The following ASNS variants were observed in gnomAD, a reference collection of about 807,000 sequenced individuals.
The protein encoded by ASNS is asparagine synthetase [glutamine-hydrolyzing].
A neutral mutation model predicts 62.6 loss-of-function variants in ASNS; 37 were observed. The observed-to-expected ratio is 0.59, with a 90% confidence interval of 0.45 to 0.78. ASNS has a LOEUF of 0.78. Ranked by LOEUF, ASNS falls within the 30% of genes least tolerant of loss-of-function variation. The pLI is 0.00. For missense variants in ASNS, 520 were observed against 682.4 expected (o/e 0.76, Z 2.65); for synonymous variants, 207 against 237.9 (o/e 0.87, Z 1.19).
chr7:97,899,112 A>G, the ASNS span: 4 of 463,028 alleles, frequency 8.6e-6, no homozygotes, highest in South Asian at 9.9e-5. Flanking sequence ...TGTTCTTAAC[A>G]ACTGCCATGG....
the ASNS span, among the ~76,000 whole-genome samples, chr7:97,920,203 C>T: frequency 6.6e-6 from 1 of 152,080 alleles, no homozygotes; most frequent in African/African-American, 2.4e-5. Context: ...AGGTTTTCAC[C>T]ATGTTGGCCA....
intron 1 of ASNS, 28 bp downstream of exon 1, chr7:97,872,323 A>AGGGCACG (rs1041320412): frequency 9.1e-5 from 14 of 153,490 alleles, no homozygotes; most frequent in African/African-American, 2.9e-4. Context: ...CGCGGGGCGC[A>AGGGCACG]GGGCACGGGG....
At chr7:97,880,779 A>G in the ASNS span, among the ~76,000 whole-genome samples, 2 of 152,230 alleles carry the variant, frequency 1.3e-5, no homozygotes, top group Non-Finnish European at 2.9e-5. Context: ...TCATTCCAGA[A>G]GGAGATTCTC....
rs538931605 is a variant in ASNS at position 97,851,798 on chromosome 7, C to T, written c.*461G>A. 3.2e-5 allele frequency: 5 copies of T among 154,942 alleles called. No individual in the cohort carries two copies. The highest frequency in any genetic ancestry group is 1.2e-4 in the African/African-American group (5 of 41,606). 9.6% of individuals were successfully genotyped at this position (154,942 alleles called of 1,614,324 possible). A position where few individuals can be genotyped will look rare whatever the true frequency, so the allele number is the denominator to read the frequency against. On this transcript the variant is annotated 3_prime_UTR_variant, in exon 13 of 13. Coordinates refer to ENST00000394308, the MANE Select transcript of ASNS (RefSeq NM_001673.5). ...ACATAAAAGAGAAAAAAATGAACTA[C>T]TATCTTGCAAAATAGAGCTGTGATG... is the stretch of plus-strand genomic sequence containing the variant.
At chr7:97,858,206 T>C (rs1584463130) in intron 7 of ASNS, 72 bp downstream of exon 7, 8 of 1,565,226 alleles carry the variant, frequency 5.1e-6, no homozygotes, top group Admixed American at 1.8e-5. Context: ...TCACCCATTA[T>C]TGACTCCATT....
chr7:97,864,316 G>A lies in ASNS; in HGVS notation c.430C>T (p.Pro144Ser). Residue 144 changes from proline to serine, a missense_variant, in exon 4 of 13, where the codon CCT (proline) becomes TCT (serine). Transcript: ENST00000394308. Reference sequence around the variant, plus strand: ...TCTTCTGTCATTGCTTTAAACAAAGGTCTGACTCCATATGTATCTCTACCC... The same window carrying A: ...TCTTCTGTCATTGCTTTAAACAAAGATCTGACTCCATATGTATCTCTACCC... ...FLGRDTYGVR[P>S]LFKAMTEDGF... The A allele has an allele frequency of 6.2e-7, 1 of 1,613,686 alleles. No individual in the cohort carries two copies. Among genetic ancestry groups the A allele is most frequent in the Non-Finnish European group, 8.5e-7 (1 of 1,179,756 alleles).
chr7:97,924,379 G>A, the ASNS span, among the ~76,000 whole-genome samples: 4 of 152,274 alleles, frequency 2.6e-5, no homozygotes, highest in Admixed American at 6.5e-5. Context: ...TTACAAGAGC[G>A]CCACGGCAGA....
At chr7:97,906,000 G>T in the ASNS span, among the ~76,000 whole-genome samples, 1 of 152,100 alleles carries the variant, frequency 6.6e-6, no homozygotes, top group Non-Finnish European at 1.5e-5. Context: ...CATCCTCTTA[G>T]GTTGGTGCAA....
At chr7:97,880,323 C>T in the ASNS span, among the ~76,000 whole-genome samples, 1 of 152,098 alleles carries the variant, frequency 6.6e-6, no homozygotes, top group African/African-American at 2.4e-5. Context: ...GGGGTTTACT[C>T]ATGTTCGCCA....
At chr7:97,900,360 CAAAAAAAAAA>C in the ASNS span, among the ~76,000 whole-genome samples, 4 of 89,368 alleles carry the variant, frequency 4.5e-5, no homozygotes, top group East Asian at 3.1e-4. Flanking sequence ...GACTTTGTCT[CAAAAAAAAAA>C]AAAAAAAAAA....
chr7:97,859,851 A>C (rs1791632744), intron 4 of ASNS, among the ~76,000 whole-genome samples: 1 of 152,234 alleles, frequency 6.6e-6, no homozygotes, highest in Admixed American at 6.5e-5. Context: ...GACCTTTAAC[A>C]AGTACAATGA....
the ASNS span, among the ~76,000 whole-genome samples, chr7:97,883,353 A>G: frequency 2.0e-5 from 3 of 152,142 alleles, no homozygotes; most frequent in Non-Finnish European, 4.4e-5. Flanking sequence ...GACCTCAAGT[A>G]ACCTTAGGCT....
chr7:97,913,801 G>A, the ASNS span, among the ~76,000 whole-genome samples: 1 of 151,166 alleles, frequency 6.6e-6, no homozygotes, highest in East Asian at 2.0e-4. Flanking sequence ...AGAAGGACAA[G>A]CAGTGGATGG....
At chr7:97,872,426 C>T (rs1027493376), upstream of ASNS, 1 of 152,420 alleles carries the variant, frequency 6.6e-6, no homozygotes, top group Non-Finnish European at 1.5e-5. Flanking sequence ...GGCGAGGCCG[C>T]TGGCGCTTAT....
Position 97,857,490 on chromosome 7 carries a change from C to T in ASNS, c.904-674G>A, listed in dbSNP as rs573805078. 1.2e-4 allele frequency among the ~76,000 whole-genome samples: 19 copies of T among 152,154 alleles called. No individual in the cohort carries two copies. The South Asian group carries it at 3.9e-3, about 32-fold the overall frequency. On this transcript the variant is annotated intron_variant, in intron 7 of 12. Coordinates refer to ENST00000394308, the MANE Select transcript of ASNS (RefSeq NM_001673.5). ...TTACTTTACATGAATTATATCATTTCACCTTAAAATTTCCCCATAGCAGAC... is the reference window on the plus strand; with the variant it reads ...TTACTTTACATGAATTATATCATTTTACCTTAAAATTTCCCCATAGCAGAC...
the ASNS span, among the ~76,000 whole-genome samples, chr7:97,889,480 G>GCA: frequency 6.6e-6 from 1 of 152,094 alleles, no homozygotes; most frequent in Non-Finnish European, 1.5e-5. Context: ...TTGTGCCACT[G>GCA]CACTCCAGCC....
the ASNS span, among the ~76,000 whole-genome samples, chr7:97,907,700 C>T: frequency 3.0e-3 from 445 of 149,822 alleles, 2 homozygotes; most frequent in Non-Finnish European, 4.9e-3. Flanking sequence ...ACCCAGGAGG[C>T]AGAGCTTGCA....
At chr7:97,874,549 T>A (rs1792400133), upstream of ASNS, among the ~76,000 whole-genome samples, 2 of 152,238 alleles carry the variant, frequency 1.3e-5, no homozygotes, top group Non-Finnish European at 2.9e-5. Flanking sequence ...GAGATTGCAG[T>A]GAAGGCAGGC....
chr7:97,922,794 T>A, the ASNS span, among the ~76,000 whole-genome samples: 1 of 152,208 alleles, frequency 6.6e-6, no homozygotes, highest in Admixed American at 6.5e-5. Context: ...ATTTTATTTA[T>A]TTATTTATTT....
Sources: gnomAD v4.1 joint callset for allele counts (sites outside exome capture counted in the v4.1 genomes callset) on GRCh38, gnomAD v4.1.1 for gene constraint, MANE v1.5 for transcripts, NCBI Gene and HGNC (gene_info 2026-07-23, HGNC 2026-07-21) for gene names.